The following SYT7 variants were observed in gnomAD, a reference collection of about 807,000 sequenced individuals.
SYT7 encodes the protein synaptotagmin-7.
In SYT7, 29 loss-of-function variants were observed where a neutral mutation model predicts 75.1. The ratio of observed to expected loss-of-function variants is 0.39; its 90% CI spans 0.29 to 0.53. The LOEUF is 0.53. Ranked by LOEUF, SYT7 falls within the 20% of genes least tolerant of loss-of-function variation. SYT7 has a pLI of 0.77. For synonymous variants in SYT7, 376 were observed against 401.7 expected (o/e 0.94, Z 0.76); for missense variants, 693 against 953.2 (o/e 0.73, Z 3.59).
chr11:61,565,167 G>A (rs1007645321), intron 1 of SYT7, among the ~76,000 whole-genome samples: 20 of 152,148 alleles, frequency 1.3e-4, no homozygotes, highest in African/African-American at 4.6e-4. Context: ...GGTGGCTCCC[G>A]ATGACGTTCA....
intron 7 of SYT7, among the ~76,000 whole-genome samples, chr11:61,534,138 G>A (rs2062793444): frequency 6.6e-6 from 1 of 152,220 alleles, no homozygotes; most frequent in Non-Finnish European, 1.5e-5. Flanking sequence ...GTAGGGAGGA[G>A]GAGACGGGGG....
rs1358778516 is a variant in SYT7, at chr11:61,542,720, T to TGTCGCCACCGCC, written c.573-153_573-142dup. The TGTCGCCACCGCC allele has an allele frequency of 7.4e-7, 1 of 1,353,998 alleles. No individual in the cohort carries two copies. The highest frequency in any genetic ancestry group is 1.5e-5 in the African/African-American group (1 of 64,924). 83.9% of individuals were successfully genotyped at this position (1,353,998 alleles called of 1,614,324 possible). A position where few individuals can be genotyped will look rare whatever the true frequency, so the allele number is the denominator to read the frequency against. ...GACCTCGCCAGGCCTCCATCGGAGC[T>TGTCGCCACCGCC]GTCGCCACCGCCGTCGCCGCCACTG... On this transcript the variant is annotated intron_variant, in intron 5 of 12. Transcript: ENST00000539008. The surrounding 1 kb of genome is among the most constrained non-coding windows in gnomAD (Gnocchi z 7.8).
rs1014966558 is a variant in SYT7 at position 61,514,509 on chromosome 11, C to G, written c.*4118G>C. ...GGACACATGACAATGGGGATGTGCTCGTTCCTTTTGTGCCTGTGTCTGAAC... is the reference window on the plus strand; with the variant it reads ...GGACACATGACAATGGGGATGTGCTGGTTCCTTTTGTGCCTGTGTCTGAAC... On this transcript the variant is annotated 3_prime_UTR_variant, in exon 13 of 13. Coordinates refer to ENST00000539008, the MANE Select transcript of SYT7 (RefSeq NM_001365809.2). Among the ~76,000 whole-genome samples, 5 of 152,186 alleles carry G rather than the reference C, an allele frequency of 3.3e-5. No individual in the cohort carries two copies. The highest frequency in any genetic ancestry group is 1.2e-4 in the African/African-American group (5 of 41,436).
Position 61,523,134 on chromosome 11 carries a change from T to C in SYT7, c.1897A>G (p.Thr633Ala), listed in dbSNP as rs768684428. 6.2e-7 allele frequency: 1 copy of C among 1,614,186 alleles called. No homozygotes were observed. The highest frequency in any genetic ancestry group is 1.3e-5 in the African/African-American group (1 of 75,030). The change falls in exon 12 of 13, where the codon ACC (threonine) becomes GCC (alanine). Residue 633 changes from threonine to alanine, a missense_variant. Thr to Ala is a moderately conservative substitution (Grantham distance 58). Transcript: ENST00000539008. This position sits in a 1 kb window ranked among gnomAD's most constrained non-coding sequence, Gnocchi z 5.0. ...TTGTCCATGACAGTGATGATGATGG[T>C]CGTCTCCCTCAGCTTCTCCGTGGGG... The part of the protein sequence containing the change: ...DIPTEKLRET[T>A]IIITVMDKDK...
upstream of SYT7, among the ~76,000 whole-genome samples, chr11:61,581,688 G>T (rs939393585): frequency 2.6e-5 from 4 of 152,202 alleles, no homozygotes; most frequent in Non-Finnish European, 5.9e-5. Flanking sequence ...CCCTGCCCTC[G>T]GTAGGAGGTT....
Position 61,576,047 on chromosome 11 carries a change from C to T in SYT7, c.31+4743G>A, listed in dbSNP as rs117572827. Among the ~76,000 whole-genome samples the T allele has an allele frequency of 3.9e-5, 6 of 152,310 alleles. No homozygotes were observed. The highest frequency in any genetic ancestry group is 1.9e-4 in the East Asian group (1 of 5,182). Reference sequence around the variant, plus strand: ...GCTGCAGAGACTCCCCAGAGCAGGCCGGATGCACCTGCCCGCCTTCCAACC... The same window carrying T: ...GCTGCAGAGACTCCCCAGAGCAGGCTGGATGCACCTGCCCGCCTTCCAACC... On this transcript the variant is annotated intron_variant, in intron 1 of 12. Coordinates refer to ENST00000539008, the MANE Select transcript of SYT7 (RefSeq NM_001365809.2). The surrounding 1 kb of genome is among the most constrained non-coding windows in gnomAD (Gnocchi z 4.1).
intron 7 of SYT7, among the ~76,000 whole-genome samples, chr11:61,535,411 C>T (rs1225184366): frequency 6.6e-6 from 1 of 152,166 alleles, no homozygotes; most frequent in Non-Finnish European, 1.5e-5. Context: ...GGGGGTGGGC[C>T]GCGGTGGAAA....
chr11:61,538,744 TG>T (rs1391287145), intron 6 of SYT7, among the ~76,000 whole-genome samples: 1 of 152,166 alleles, frequency 6.6e-6, no homozygotes, highest in Non-Finnish European at 1.5e-5. Flanking sequence ...TCTGACCATC[TG>T]GGCCACTGGG....
chr11:61,547,287 C>A lies in SYT7; in HGVS notation c.237G>T (p.Trp79Cys). ...GCTGCACTGTGCTCTCATTGTTATT[C>A]CAAAAGTCTCTGTCTAGATCACTGG... ...KAINDLDRDFWNNNESTVQQK... is the reference protein window; with the variant it reads ...KAINDLDRDFCNNNESTVQQK... Residue 79 changes from tryptophan (W) to cysteine (C), a missense_variant, in exon 4 of 13, where the codon TGG (tryptophan) becomes TGT (cysteine). Transcript: ENST00000539008. 1 of 1,535,680 alleles carries A rather than the reference C, an allele frequency of 6.5e-7. No individual in the cohort carries two copies. Among genetic ancestry groups the A allele is most frequent in the Non-Finnish European group, 8.7e-7 (1 of 1,146,676 alleles).
In SYT7 at chr11:61,555,175, C is replaced by T. The variant is rs186440413; in HGVS notation, c.135+929G>A. On this transcript the variant is annotated intron_variant, in intron 2 of 12. Coordinates refer to ENST00000539008, the MANE Select transcript of SYT7 (RefSeq NM_001365809.2). ...CTGCGCAGGAAGAGAATGGGGTTCC[C>T]AGAGGTGGTGCCCTGCTCCCACTCC... is the stretch of plus-strand genomic sequence containing the variant. Among the ~76,000 whole-genome samples the T allele has an allele frequency of 7.0e-3, 1,059 of 152,318 alleles. 16 individuals are homozygous for T. The highest frequency in any genetic ancestry group is 6.5e-3 in the Non-Finnish European group (442 of 68,020).
intron 8 of SYT7, 62 bp from the exon 9 acceptor site, chr11:61,528,247 C>A (rs1013440197): frequency 6.4e-7 from 1 of 1,572,794 alleles, no homozygotes; most frequent in Non-Finnish European, 8.6e-7. Context: ...ATGTCCCCAC[C>A]GCTGGCTAGC....
At chr11:61,558,523 CACACACACACACAT>C (rs2063559742) in intron 1 of SYT7, among the ~76,000 whole-genome samples, 2 of 151,318 alleles carry the variant, frequency 1.3e-5, no homozygotes, top group Admixed American at 6.6e-5. Context: ...CACACACACA[CACACACACACACAT>C]ATATATATAA....
chr11:61,546,112 G>A lies in SYT7; in HGVS notation c.491C>T (p.Pro164Leu), dbSNP rs890709846. 3.1e-5 allele frequency: 47 copies of A among 1,530,732 alleles called. No individual in the cohort carries two copies. Among genetic ancestry groups the A allele is most frequent in the African/African-American group, 4.1e-5 (3 of 72,464 alleles). 94.8% of individuals were successfully genotyped at this position (1,530,732 alleles called of 1,614,324 possible). A position where few individuals can be genotyped will look rare whatever the true frequency, so the allele number is the denominator to read the frequency against. The change falls in exon 5 of 13, where the codon CCG (proline) becomes CTG (leucine). Residue 164 changes from proline to leucine, a missense_variant. Around this residue, in one of 2 missense-constraint regions of SYT7, gnomAD observed 487 missense variants for 593.2 expected, o/e 0.82. Transcript: ENST00000539008. This position sits in a 1 kb window ranked among gnomAD's most constrained non-coding sequence, Gnocchi z 7.6. Reference protein sequence around the residue: ...LRSGGAAPSEPGSGGKAGRGR... With the variant: ...LRSGGAAPSELGSGGKAGRGR... ...TCTCCCCGCCTTGCCACCGCTGCCC[G>A]GCTCGCTGGGGGCAGCCCCGCCGCT...
At chr11:61,540,801 G>T (rs1009728699) in intron 6 of SYT7, 42 of 985,372 alleles carry the variant, frequency 4.3e-5, no homozygotes, top group Non-Finnish European at 4.9e-5. Context: ...TTCAAGCCAC[G>T]CAGACCCAAT....
rs747272902 is a variant in SYT7, at chr11:61,546,237, G to A, written c.366C>T (p.Gly122=). The A allele has an allele frequency of 4.8e-5, 70 of 1,453,126 alleles. 1 individual carries two copies. In the Middle Eastern group the frequency reaches 1.7e-3, roughly 35 times the overall value. 90.0% of individuals were successfully genotyped at this position (1,453,126 alleles called of 1,614,324 possible). The change falls in exon 5 of 13, where the codon GGC becomes GGT. Residue 122 remains glycine, a synonymous_variant. Transcript: ENST00000539008. This position sits in a 1 kb window ranked among gnomAD's most constrained non-coding sequence, Gnocchi z 7.6. ...GCCCCGCCGCGGCGGCCACTTTGGCGCCCGACAGGAGGGTGCCACTGGAGG... is the reference window on the plus strand; with the variant it reads ...GCCCCGCCGCGGCGGCCACTTTGGCACCCGACAGGAGGGTGCCACTGGAGG... The part of the protein sequence containing the change: ...RLSLNGTLLS[G]AKVAAAAGLA...
intron 3 of SYT7, among the ~76,000 whole-genome samples, chr11:61,550,704 G>C (rs999751315): frequency 6.6e-6 from 1 of 152,184 alleles, no homozygotes; most frequent in Non-Finnish European, 1.5e-5. Context: ...CCGCCAGGTG[G>C]GTGGGGGACT....
chr11:61,582,546 C>T (rs1344347615), upstream of SYT7, among the ~76,000 whole-genome samples: 2 of 152,180 alleles, frequency 1.3e-5, no homozygotes, highest in Non-Finnish European at 2.9e-5. Context: ...TTCACCTCCA[C>T]CTACAGCTTT....
intron 7 of SYT7, chr11:61,533,491 C>T (rs141758399): frequency 1.1e-4 from 104 of 985,420 alleles, no homozygotes; most frequent in Non-Finnish European, 1.2e-4. Flanking sequence ...CTATCCCATC[C>T]GCCCCCAGCC....
rs191931975 is a variant in SYT7 at position 61,524,238 on chromosome 11, G to A, written c.1641+125C>T. On this transcript the variant is annotated intron_variant, in intron 10 of 12. Coordinates refer to ENST00000539008, the MANE Select transcript of SYT7 (RefSeq NM_001365809.2). This position sits in a 1 kb window ranked among gnomAD's most constrained non-coding sequence, Gnocchi z 4.1. ...GCTAGCGAGGGCTGAGCTCCATCGG[G>A]TCCACCCATCTGCACCCTCTCCCAC... The A allele has an allele frequency of 1.3e-5, 15 of 1,196,596 alleles. 1 individual carries two copies. Among genetic ancestry groups the A allele is most frequent in the African/African-American group, 1.2e-4 (8 of 65,320 alleles). 74.1% of individuals were successfully genotyped at this position (1,196,596 alleles called of 1,614,324 possible).
Sources: gnomAD v4.1 joint callset for allele counts (sites outside exome capture counted in the v4.1 genomes callset) on GRCh38, gnomAD v4.1.1 for gene constraint, gnomAD v4.1.1 regional missense constraint, Gnocchi (gnomAD v3.1) non-coding constraint, MANE v1.5 for transcripts, NCBI Gene and HGNC (gene_info 2026-07-23, HGNC 2026-07-21) for gene names.